Variants in CEMIP observed in about 807,000 individuals in gnomAD.
The protein encoded by CEMIP is cell migration inducing hyaluronidase 1.
CEMIP carries 105 observed loss-of-function variants against 156.9 expected under a neutral mutation model. The ratio of observed to expected loss-of-function variants is 0.67; its 90% CI spans 0.57 to 0.79. CEMIP has a LOEUF of 0.79. Among genes scored for constraint, CEMIP ranks in the 30% least tolerant of loss-of-function variants. The pLI is 0.00. For synonymous variants in CEMIP, 676 were observed against 668.4 expected (o/e 1.01, Z -0.17); for missense variants, 1,457 against 1,769.4 (o/e 0.82, Z 3.17).
At chr15:80,842,646 C>T (rs550548742) in intron 1 of CEMIP, among the ~76,000 whole-genome samples, 10 of 152,148 alleles carry the variant, frequency 6.6e-5, no homozygotes, top group South Asian at 2.1e-4. Flanking sequence ...GCAGGAGAAT[C>T]GCTTGAACCT....
At position 80,866,592 on chromosome 15, in the gene CEMIP, A is replaced by AAAATAAATAAAT. The variant is rs3087304; in HGVS notation, c.-175-6914_-175-6903dup. 5.2e-3 allele frequency among the ~76,000 whole-genome samples: 679 copies of AAAATAAATAAAT among 130,254 alleles called. 2 individuals carry two copies. The highest frequency in any genetic ancestry group is 8.5e-3 in the East Asian group (37 of 4,362). 85.5% of individuals were successfully genotyped at this position (130,254 alleles called of 152,430 possible). On this transcript the variant is annotated intron_variant, in intron 1 of 29. Coordinates refer to ENST00000394685, the MANE Select transcript of CEMIP (RefSeq NM_001293298.2). ...GGTGACAGAGTGAGACTCTGTCTTA[A>AAAATAAATAAAT]AAATAAATAAATAAATAAATAAATA... is the stretch of plus-strand genomic sequence containing the variant.
intron 29 of CEMIP, chr15:80,948,500 T>C: frequency 2.3e-6 from 1 of 442,972 alleles, no homozygotes; most frequent in Non-Finnish European, 4.2e-6. Context: ...TCCTAGGAGG[T>C]CTCCTCCCTT....
rs1189165692 is a variant in CEMIP, at chr15:80,951,428, T to TAAGA, written c.*2505_*2508dup. 6.6e-6 allele frequency: 1 copy of TAAGA among 152,632 alleles called. No homozygotes were observed. The highest frequency in any genetic ancestry group is 1.9e-4 in the East Asian group (1 of 5,196). The allele number at this position is 152,632 out of a possible 1,614,324, so 9.5% of individuals were successfully genotyped here. ...TTGTCCTCCTTGTTATTTCTGTTTG[T>TAAGA]AAGACTTAAGTGAGTTAGGTCTTTA... On this transcript the variant is annotated 3_prime_UTR_variant, in exon 30 of 30. Transcript: ENST00000394685.
In CEMIP at chr15:80,949,179, G is replaced by A. The variant is rs1379477524; in HGVS notation, c.*255G>A. The stretch of plus-strand genomic sequence containing the variant: ...CATTCACTTTCCTGCAGCCTCTTGG[G>A]TGCTTCTCTCCTATCTGTGCCTCTT... On this transcript the variant is annotated 3_prime_UTR_variant, in exon 30 of 30. Coordinates refer to ENST00000394685, the MANE Select transcript of CEMIP (RefSeq NM_001293298.2). 7 of 533,808 alleles carry A rather than the reference G, an allele frequency of 1.3e-5. No homozygotes were observed. The highest frequency in any genetic ancestry group is 1.1e-4 in the African/African-American group (6 of 52,418). 33.1% of individuals were successfully genotyped at this position (533,808 alleles called of 1,614,324 possible).
At chr15:80,825,483 G>A (rs188823442) in intron 1 of CEMIP, among the ~76,000 whole-genome samples, 1 of 152,240 alleles carries the variant, frequency 6.6e-6, no homozygotes, top group Admixed American at 6.5e-5. Flanking sequence ...TCTTATTCTT[G>A]TAAATGTTAA....
intron 20 of CEMIP, 38 bp from the exon 21 acceptor site, chr15:80,928,981 T>C: frequency 6.2e-7 from 1 of 1,614,244 alleles, no homozygotes; most frequent in Non-Finnish European, 8.5e-7. Context: ...TGGGATCTTG[T>C]CTCTGGGCAT....
intron 27 of CEMIP, among the ~76,000 whole-genome samples, chr15:80,942,668 A>T (rs902846056): frequency 6.6e-6 from 1 of 152,204 alleles, no homozygotes; most frequent in African/African-American, 2.4e-5. Context: ...AAAATCCAGA[A>T]GGTTTAATCA....
In CEMIP at chr15:80,906,927, G is replaced by C; in HGVS notation, c.1587+89G>C. ...AGACGGGCCTTCTTGGTAGGGATGA[G>C]GGTGGGGGAACAGGAGGTGGGATCA... On this transcript the variant is annotated intron_variant, in intron 13 of 29. Transcript: ENST00000394685. The surrounding 1 kb of genome is among the most constrained non-coding windows in gnomAD (Gnocchi z 4.3). 2 of 1,420,894 alleles carry C rather than the reference G, an allele frequency of 1.4e-6. No homozygotes were observed. The highest frequency in any genetic ancestry group is 9.7e-7 in the Non-Finnish European group (1 of 1,029,360). The allele number at this position is 1,420,894 out of a possible 1,614,324, so 88.0% of individuals were successfully genotyped here.
chr15:80,810,481 C>A (rs1324289598), intron 1 of CEMIP, among the ~76,000 whole-genome samples: 1 of 152,218 alleles, frequency 6.6e-6, no homozygotes, highest in East Asian at 1.9e-4. Flanking sequence ...CATTCTCTTG[C>A]CTTAGCCTCC....
chr15:80,841,767 G>A (rs998647851), intron 1 of CEMIP, among the ~76,000 whole-genome samples: 5 of 152,310 alleles, frequency 3.3e-5, no homozygotes, highest in East Asian at 1.9e-4. Context: ...GCAGTTGGCC[G>A]TATTGCTGGG....
At chr15:80,799,487 G>A (rs1896321215) in intron 1 of CEMIP, among the ~76,000 whole-genome samples, 1 of 152,174 alleles carries the variant, frequency 6.6e-6, no homozygotes, top group Non-Finnish European at 1.5e-5. Context: ...AGTTTCTTCT[G>A]CAAAATGAGA....
intron 1 of CEMIP, among the ~76,000 whole-genome samples, chr15:80,845,385 C>T (rs1897528531): frequency 6.6e-6 from 1 of 152,122 alleles, no homozygotes; most frequent in African/African-American, 2.4e-5. Flanking sequence ...GAGCAGTGAT[C>T]ACACCACTGC....
chr15:80,942,079 A>AC (rs1435752081), intron 26 of CEMIP, 26 bp downstream of exon 26: 2 of 1,606,038 alleles, frequency 1.2e-6, no homozygotes, highest in East Asian at 4.5e-5. Flanking sequence ...CAAAGCCTAG[A>AC]CCCCTTTGCC....
intron 1 of CEMIP, among the ~76,000 whole-genome samples, chr15:80,851,872 C>T (rs1395393342): frequency 6.6e-6 from 1 of 152,080 alleles, no homozygotes; most frequent in East Asian, 1.9e-4. Flanking sequence ...CAAGATTTGC[C>T]TTTGAGAAAG....
chr15:80,789,790 T>C (rs915932777), intron 1 of CEMIP, among the ~76,000 whole-genome samples: 4 of 152,238 alleles, frequency 2.6e-5, no homozygotes, highest in Admixed American at 6.5e-5. Flanking sequence ...TTTCTGAGAA[T>C]GACCATGTAG....
At chr15:80,875,674 C>G (rs916063737) in intron 3 of CEMIP, among the ~76,000 whole-genome samples, 4 of 152,204 alleles carry the variant, frequency 2.6e-5, no homozygotes, top group Non-Finnish European at 5.9e-5. Context: ...GCTATTCATG[C>G]TCCAAGTAGG....
At chr15:80,844,958 G>A (rs2141718331) in intron 1 of CEMIP, among the ~76,000 whole-genome samples, 1 of 152,240 alleles carries the variant, frequency 6.6e-6, no homozygotes, top group Middle Eastern at 3.4e-3. Context: ...GTGTTAGAAG[G>A]ACCTTCAAAT....
chr15:80,799,279 G>A lies in CEMIP; in HGVS notation c.-176+19665G>A, dbSNP rs532157671. 3.3e-5 allele frequency among the ~76,000 whole-genome samples: 5 copies of A among 152,334 alleles called. No homozygotes were observed. The South Asian group carries it at 6.2e-4, about 19-fold the overall frequency. The stretch of plus-strand genomic sequence containing the variant: ...AGAGTGGCACAATGGGCTGCCAGCC[G>A]CCTTGTGAGCACGAGATCTAGGCAG... On this transcript the variant is annotated intron_variant, in intron 1 of 29. Coordinates refer to ENST00000394685, the MANE Select transcript of CEMIP (RefSeq NM_001293298.2).
At chr15:80,934,049 C>G (rs771142657) in intron 23 of CEMIP, among the ~76,000 whole-genome samples, 34 of 152,142 alleles carry the variant, frequency 2.2e-4, no homozygotes, top group Non-Finnish European at 4.4e-4. Context: ...TCAAAGTCTA[C>G]TGTGTATTTT....
Sources: gnomAD v4.1 joint callset for allele counts (sites outside exome capture counted in the v4.1 genomes callset) on GRCh38, gnomAD v4.1.1 for gene constraint, Gnocchi (gnomAD v3.1) non-coding constraint, MANE v1.5 for transcripts, NCBI Gene and HGNC (gene_info 2026-07-23, HGNC 2026-07-21) for gene names.